WDPCP: variants seen among roughly 807,000 people sequenced by gnomAD.
WDPCP encodes WD repeat containing planar cell polarity effector.
WDPCP carries 71 observed loss-of-function variants against 93.1 expected under a neutral mutation model. The ratio of observed to expected loss-of-function variants is 0.76; its 90% CI spans 0.63 to 0.93. The LOEUF (loss-of-function observed/expected upper bound fraction) is 0.93, where lower values mean the gene tolerates loss of function less well. WDPCP is among the 40% of genes least tolerant of loss of function. WDPCP has a pLI of 0.00. For missense variants in WDPCP, 844 were observed against 887.4 expected, an observed-to-expected ratio of 0.95 and a Z score of 0.62; for synonymous variants, 315 against 315.0, an observed-to-expected ratio of 1.00 and a Z score of 0.00.
chr2:63,409,292 A>G (rs1694848818), intron 9 of WDPCP, among the ~76,000 whole-genome samples: 1 of 152,180 alleles, frequency 6.6e-6, no homozygotes, highest in African/African-American at 2.4e-5. Context: ...GACCCAGAAG[A>G]GAGACAACAA....
chr2:63,827,568 A>G (rs1671132854), intron 1 of WDPCP: 1 of 152,226 alleles, frequency 6.6e-6, no homozygotes, highest in Non-Finnish European at 1.5e-5. Flanking sequence ...TTTGCATAAG[A>G]CAGACAATCC....
intron 10 of WDPCP, among the ~76,000 whole-genome samples, chr2:63,394,363 A>G (rs1055669542): frequency 7.9e-6 from 1 of 126,452 alleles, no homozygotes; most frequent in African/African-American, 2.8e-5. Flanking sequence ...CAGAATGGCT[A>G]TTATTAATAA....
chr2:63,621,549 T>A (rs1709738164), intron 3 of WDPCP, among the ~76,000 whole-genome samples: 1 of 152,166 alleles, frequency 6.6e-6, no homozygotes, highest in South Asian at 2.1e-4. Context: ...TTACGTTTGA[T>A]TGGTGTACCT....
At chr2:63,253,222 C>T (rs886466946) in intron 14 of WDPCP, among the ~76,000 whole-genome samples, 1 of 152,088 alleles carries the variant, frequency 6.6e-6, no homozygotes, top group Non-Finnish European at 1.5e-5. Context: ...TCACCATATA[C>T]AAAAATTAAC....
intron 3 of WDPCP, among the ~76,000 whole-genome samples, chr2:63,634,744 T>A (rs1454608191): frequency 6.6e-6 from 1 of 152,108 alleles, no homozygotes; most frequent in African/African-American, 2.4e-5. Flanking sequence ...TAAAAATATC[T>A]TGAGTCAAAT....
At chr2:63,503,419 G>C (rs1255607412) in intron 1 of WDPCP, among the ~76,000 whole-genome samples, 1 of 152,092 alleles carries the variant, frequency 6.6e-6, no homozygotes, top group Non-Finnish European at 1.5e-5. Flanking sequence ...TCTAGTTGAA[G>C]TGCATTTTTT....
chr2:63,275,282 A>G (rs1375707870), intron 13 of WDPCP, among the ~76,000 whole-genome samples: 1 of 152,170 alleles, frequency 6.6e-6, no homozygotes, highest in Non-Finnish European at 1.5e-5. Context: ...CAAAAAAGGA[A>G]CCTACCTCAA....
chr2:63,294,969 A>T (rs1409034489), intron 13 of WDPCP, among the ~76,000 whole-genome samples: 1 of 152,198 alleles, frequency 6.6e-6, no homozygotes, highest in Non-Finnish European at 1.5e-5. Flanking sequence ...TATAGAGTAA[A>T]CAACTTGTAA....
intron 1 of WDPCP, among the ~76,000 whole-genome samples, chr2:63,524,992 C>T (rs1179248526): frequency 6.6e-6 from 1 of 152,026 alleles, no homozygotes; most frequent in Non-Finnish European, 1.5e-5. Flanking sequence ...AGAGAATCAA[C>T]CTAAAAGTTC....
chr2:63,211,674 C>G (rs1339838347), intron 14 of WDPCP, among the ~76,000 whole-genome samples: 1 of 152,090 alleles, frequency 6.6e-6, no homozygotes, highest in African/African-American at 2.4e-5. Context: ...CTTCTCTGAG[C>G]TAAAGGAGGA....
At chr2:63,428,144 C>G (rs372252864) in intron 9 of WDPCP, among the ~76,000 whole-genome samples, 4 of 149,336 alleles carry the variant, frequency 2.7e-5, no homozygotes, top group Admixed American at 1.3e-4. Context: ...TTCTACCAGA[C>G]GTAAAAAGAA....
chr2:63,599,232 C>T (rs367820674), intron 3 of WDPCP: 38 of 1,613,772 alleles, frequency 2.4e-5, no homozygotes, highest in African/African-American at 1.7e-4. Context: ...CAGCTCCATC[C>T]ATCCCCAAGG....
At chr2:63,544,436 T>C (rs1046660070) in intron 1 of WDPCP, among the ~76,000 whole-genome samples, 2 of 152,178 alleles carry the variant, frequency 1.3e-5, no homozygotes, top group African/African-American at 2.4e-5. Flanking sequence ...TTATAATCTA[T>C]TTAAAATATT....
At chr2:63,302,696 G>A (rs1239131634) in intron 13 of WDPCP, among the ~76,000 whole-genome samples, 1 of 152,226 alleles carries the variant, frequency 6.6e-6, no homozygotes, top group Non-Finnish European at 1.5e-5. Context: ...AAAAGGATTT[G>A]TGAGGTTGGT....
intron 3 of WDPCP, chr2:63,622,870 A>G: frequency 6.5e-7 from 1 of 1,533,280 alleles, no homozygotes; most frequent in East Asian, 2.3e-5. Flanking sequence ...GCGCAGCATC[A>G]GGGGTGCGGA....
At chr2:63,726,429 A>G (rs1268880145) in intron 2 of WDPCP, among the ~76,000 whole-genome samples, 1 of 152,170 alleles carries the variant, frequency 6.6e-6, no homozygotes. Context: ...GTACCATATC[A>G]TGCTGTTTGG....
In WDPCP at chr2:63,622,967, G is replaced by A. The variant is rs1709765100; in HGVS notation, n.488+27692C>T. 2.9e-5 allele frequency: 20 copies of A among 696,662 alleles called. No homozygotes were observed. In the East Asian group the frequency reaches 4.4e-4, roughly 15 times the overall value. The allele number at this position is 696,662 out of a possible 1,614,324, so 43.2% of individuals were successfully genotyped here. Reference sequence around the variant, plus strand: ...CGTAGCTCAGTCACCACCGCACGGCGCCCAAGCAGCTGCTGCCGCCGCCAT... The same window carrying A: ...CGTAGCTCAGTCACCACCGCACGGCACCCAAGCAGCTGCTGCCGCCGCCAT... On this transcript the variant is annotated intron_variant and non_coding_transcript_variant, in intron 3 of 4. Coordinates refer to the WDPCP transcript ENST00000467687.
intron 2 of WDPCP, among the ~76,000 whole-genome samples, chr2:63,671,912 C>T (rs748641037): frequency 6.6e-6 from 1 of 152,104 alleles, no homozygotes; most frequent in African/African-American, 2.4e-5. Context: ...CCTGGCTAGT[C>T]ACTCCCATGC....
chr2:63,528,041 T>A (rs1703489820), intron 1 of WDPCP, among the ~76,000 whole-genome samples: 2 of 152,088 alleles, frequency 1.3e-5, no homozygotes, highest in African/African-American at 2.4e-5. Context: ...TCTATTCATA[T>A]CCTTCGCCCC....
Sources: gnomAD v4.1 joint callset for allele counts (sites outside exome capture counted in the v4.1 genomes callset) on GRCh38, gnomAD v4.1.1 for gene constraint, MANE v1.5 for transcripts, NCBI Gene and HGNC (gene_info 2026-07-23, HGNC 2026-07-21) for gene names.